SDHAF3: variants seen among roughly 807,000 people sequenced by gnomAD.
The protein encoded by SDHAF3 is succinate dehydrogenase assembly factor 3, mitochondrial.
A neutral mutation model predicts 11.5 loss-of-function variants in SDHAF3; 18 were observed. The ratio of observed to expected loss-of-function variants is 1.56; its 90% CI spans 1.08 to 2.32. SDHAF3 has a LOEUF of 2.32. SDHAF3 is among the 30% of genes most tolerant of loss of function. The probability of loss-of-function intolerance (pLI) is 0.00; values close to 1 mark genes in which losing one functional copy is unlikely to be tolerated. For synonymous variants in SDHAF3, 72 were observed against 59.3 expected (o/e 1.21, Z -0.99); for missense variants, 200 against 154.4 (o/e 1.30, Z -1.57).
intron 1 of SDHAF3, chr7:97,135,071 T>C (rs902049587): frequency 3.3e-5 from 5 of 151,918 alleles, no homozygotes; most frequent in African/African-American, 1.2e-4. Flanking sequence ...CCTCTTTTTT[T>C]TTTTTCCCCC....
rs576862865 is a variant in SDHAF3 at position 97,181,168 on chromosome 7, C to T, written c.331C>T (p.Pro111Ser). 31 of 1,613,934 alleles carry T rather than the reference C, an allele frequency of 1.9e-5. 1 individual carries two copies. The South Asian group carries it at 3.0e-4, about 15-fold the overall frequency. The change falls in exon 2 of 2, where the codon CCC (proline) becomes TCC (serine). Residue 111 changes from proline to serine, a missense_variant. Coordinates refer to ENST00000432641, the MANE Select transcript of SDHAF3 (RefSeq NM_020186.3). Reference protein sequence around the residue: ...LQELMQEATKPNRQFSISESM... With the variant: ...LQELMQEATKSNRQFSISESM... ...GGAGCTGATGCAAGAAGCCACAAAA[C>T]CCAATAGGCAATTTAGTATTTCTGA...
chr7:97,176,243 T>C (rs1324003150), intron 1 of SDHAF3, among the ~76,000 whole-genome samples: 1 of 152,186 alleles, frequency 6.6e-6, no homozygotes, highest in Non-Finnish European at 1.5e-5. Context: ...CAAAAGTGTC[T>C]CTCTTCGACA....
At chr7:97,145,302 T>C (rs1009978185) in intron 1 of SDHAF3, among the ~76,000 whole-genome samples, 3 of 152,156 alleles carry the variant, frequency 2.0e-5, no homozygotes, top group African/African-American at 7.2e-5. Flanking sequence ...GAAAACTAAA[T>C]TTTATCTGAA....
Position 97,134,557 on chromosome 7 carries a change from C to T in SDHAF3, c.174+16660C>T, listed in dbSNP as rs547297521. Among the ~76,000 whole-genome samples the T allele has an allele frequency of 1.2e-4, 19 of 152,262 alleles. 1 individual carries two copies. In the East Asian group the frequency reaches 3.7e-3, roughly 29 times the overall value. On this transcript the variant is annotated intron_variant, in intron 1 of 1. Coordinates refer to ENST00000432641, the MANE Select transcript of SDHAF3 (RefSeq NM_020186.3). ...CACCTCCCAGGTTCATGTGATTCTC[C>T]TGCCTCAGCCCCCCAAGTAGCTGGT...
chr7:97,159,510 A>C (rs1789365549), intron 1 of SDHAF3, among the ~76,000 whole-genome samples: 1 of 152,232 alleles, frequency 6.6e-6, no homozygotes, highest in South Asian at 2.1e-4. Context: ...TAGCCCCCTC[A>C]GCACAGGGAG....
intron 1 of SDHAF3, among the ~76,000 whole-genome samples, chr7:97,119,603 G>A (rs7811797): frequency 0.42 from 63,795 of 151,898 alleles, 13,794 homozygotes; most frequent in African/African-American, 0.53. Context: ...TTGCTACAAT[G>A]CTGTTAACTA....
chr7:97,157,866 A>C (rs1272959263), intron 1 of SDHAF3, among the ~76,000 whole-genome samples: 1 of 151,306 alleles, frequency 6.6e-6, no homozygotes, highest in Non-Finnish European at 1.5e-5. Context: ...TCCCAAGGAC[A>C]AAAAACCAAA....
In SDHAF3 at chr7:97,181,487, A is replaced by G; in HGVS notation, c.*272A>G. The G allele has an allele frequency of 3.7e-6, 1 of 269,952 alleles. No homozygotes were observed. The allele number at this position is 269,952 out of a possible 1,614,324, so 16.7% of individuals were successfully genotyped here. On this transcript the variant is annotated 3_prime_UTR_variant, in exon 2 of 2. Transcript: ENST00000432641. Reference sequence around the variant, plus strand: ...GAAAATGTTTTAAAATGCTATTCTCATCCAGCCATATTAGTCTTCTGGCTT... The same window carrying G: ...GAAAATGTTTTAAAATGCTATTCTCGTCCAGCCATATTAGTCTTCTGGCTT...
intron 1 of SDHAF3, among the ~76,000 whole-genome samples, chr7:97,161,723 A>G (rs931495799): frequency 1.3e-5 from 2 of 152,080 alleles, no homozygotes; most frequent in African/African-American, 2.4e-5. Flanking sequence ...GCTGAGAATG[A>G]TGGTTTCCAG....
chr7:97,147,290 T>C (rs1789150846), intron 1 of SDHAF3, among the ~76,000 whole-genome samples: 1 of 152,224 alleles, frequency 6.6e-6, no homozygotes, highest in African/African-American at 2.4e-5. Context: ...AATTATAGAA[T>C]TTCAAAATTA....
chr7:97,159,392 C>G (rs574773855), intron 1 of SDHAF3, among the ~76,000 whole-genome samples: 22 of 152,206 alleles, frequency 1.4e-4, no homozygotes, highest in African/African-American at 4.8e-4. Flanking sequence ...ATTCACCAGA[C>G]TTTCCTCCCA....
chr7:97,128,040 A>T (rs1791603694), intron 1 of SDHAF3, among the ~76,000 whole-genome samples: 1 of 151,412 alleles, frequency 6.6e-6, no homozygotes, highest in Non-Finnish European at 1.5e-5. Context: ...AGCTGGGATT[A>T]CAGGCGTCCA....
chr7:97,148,306 G>A (rs777936129), intron 1 of SDHAF3, among the ~76,000 whole-genome samples: 15 of 152,158 alleles, frequency 9.9e-5, no homozygotes, highest in African/African-American at 3.1e-4. Flanking sequence ...AGGCTGAAGC[G>A]GGAGGGCCAC....
intron 1 of SDHAF3, among the ~76,000 whole-genome samples, chr7:97,143,383 A>G (rs1789085447): frequency 6.6e-6 from 1 of 151,952 alleles, no homozygotes; most frequent in Admixed American, 6.6e-5. Flanking sequence ...GTGATTTGTC[A>G]GATTTTGGTC....
Position 97,181,674 on chromosome 7 carries a change from C to G in SDHAF3, c.*459C>G. On this transcript the variant is annotated 3_prime_UTR_variant, in exon 2 of 2. Coordinates refer to ENST00000432641, the MANE Select transcript of SDHAF3 (RefSeq NM_020186.3). ...CTGAATGTCTCTTCTCCCTGCATCA[C>G]TGTTCATTCACAATGAAAGGTTAGG... The G allele has an allele frequency of 6.5e-6, 1 of 154,778 alleles. No homozygotes were observed. Among genetic ancestry groups the G allele is most frequent in the East Asian group, 1.9e-4 (1 of 5,248 alleles). 9.6% of individuals were successfully genotyped at this position (154,778 alleles called of 1,614,324 possible). A position where few individuals can be genotyped will look rare whatever the true frequency, so the allele number is the denominator to read the frequency against.
At chr7:97,179,337 C>T (rs1324504371) in intron 1 of SDHAF3, among the ~76,000 whole-genome samples, 3 of 151,992 alleles carry the variant, frequency 2.0e-5, no homozygotes, top group Non-Finnish European at 4.4e-5. Flanking sequence ...TTCTTAAAGC[C>T]TGCTTTTTAG....
chr7:97,168,000 G>C (rs557453941), intron 1 of SDHAF3, among the ~76,000 whole-genome samples: 10 of 152,272 alleles, frequency 6.6e-5, no homozygotes, highest in African/African-American at 1.4e-4. Context: ...CACGTGCACT[G>C]GGGGGAATGG....
chr7:97,131,248 C>T (rs913029896), intron 1 of SDHAF3, among the ~76,000 whole-genome samples: 3 of 152,160 alleles, frequency 2.0e-5, no homozygotes, highest in Non-Finnish European at 4.4e-5. Context: ...TTTGATTCTT[C>T]AGTTTTTATA....
intron 1 of SDHAF3, among the ~76,000 whole-genome samples, chr7:97,157,030 C>T (rs910588001): frequency 1.3e-5 from 2 of 152,238 alleles, no homozygotes; most frequent in African/African-American, 2.4e-5. Context: ...GTTCACCTCC[C>T]ACTTTTAAGT....
Sources: gnomAD v4.1 joint callset for allele counts (sites outside exome capture counted in the v4.1 genomes callset) on GRCh38, gnomAD v4.1.1 for gene constraint, MANE v1.5 for transcripts, NCBI Gene and HGNC (gene_info 2026-07-23, HGNC 2026-07-21) for gene names.